The following FAAH2 variants were observed in gnomAD, a reference collection of about 807,000 sequenced individuals.
The protein encoded by FAAH2 is fatty acid amide hydrolase 2, also known as fatty-acid amide hydrolase 2.
A neutral mutation model predicts 36.9 loss-of-function variants in FAAH2; 60 were observed. The ratio of observed to expected loss-of-function variants is 1.63; its 90% CI spans 1.32 to 2.02. The LOEUF is 2.02. Among genes scored for constraint, FAAH2 ranks in the 30% most tolerant of loss-of-function variants. The probability of loss-of-function intolerance (pLI) is 0.00; values close to 1 mark genes in which losing one functional copy is unlikely to be tolerated. For synonymous variants in FAAH2, 214 were observed against 143.8 expected (o/e 1.49, Z -3.49); for missense variants, 689 against 397.5 (o/e 1.73, Z -6.23).
the FAAH2 span, among the ~76,000 whole-genome samples, chrX:57,251,140 G>T: frequency 8.1e-5 from 9 of 111,595 alleles, no homozygotes; most frequent in Non-Finnish European, 1.5e-4. Flanking sequence ...CATATTAAAA[G>T]GATCATACAA....
intron 8 of FAAH2, among the ~76,000 whole-genome samples, chrX:57,439,251 T>C (rs1273724953): frequency 1.8e-5 from 2 of 109,668 alleles, no homozygotes; most frequent in Admixed American, 9.8e-5. Flanking sequence ...CTCCACATCC[T>C]CTCCAGCACC....
At chrX:57,259,105 T>C in the FAAH2 span, among the ~76,000 whole-genome samples, 1 of 111,164 alleles carries the variant, frequency 9.0e-6, no homozygotes, top group Non-Finnish European at 1.9e-5. Flanking sequence ...AGATAAGCAT[T>C]GGTGAAAATG....
intron 2 of FAAH2, among the ~76,000 whole-genome samples, chrX:57,303,107 C>T (rs1021280967): frequency 9.0e-6 from 1 of 111,549 alleles, no homozygotes; most frequent in African/African-American, 3.3e-5. Flanking sequence ...ATACTTAAGG[C>T]ACTACCTTTT....
the FAAH2 span, among the ~76,000 whole-genome samples, chrX:57,150,428 A>G: frequency 8.9e-6 from 1 of 112,114 alleles, no homozygotes; most frequent in Non-Finnish European, 1.9e-5. Flanking sequence ...GACTTGCTTT[A>G]TGAATCTGGG....
Position 57,310,600 on chromosome X carries a change from G to A in FAAH2, c.283G>A (p.Glu95Lys), listed in dbSNP as rs138969418. ...INGIVKYRFE[E>K]AMKEAHAVDQ... ...TGTTTTATTTCTTCTTAGGTTTGAG[G>A]AAGCGATGAAGGAGGCTCATGCTGT... Residue 95 changes from glutamate (E) to lysine (K), a missense_variant, in exon 3 of 11, where the codon GAA becomes AAA. Physicochemically the swap from Glu to Lys is moderately conservative, Grantham distance 56 (BLOSUM62 1). Transcript: ENST00000374900. 240 of 1,199,607 alleles carry A rather than the reference G, an allele frequency of 2.0e-4. No individual in the cohort carries two copies. The African/African-American group carries it at 3.8e-3, about 19-fold the overall frequency.
chrX:57,165,182 A>G, the FAAH2 span, among the ~76,000 whole-genome samples: 3 of 112,131 alleles, frequency 2.7e-5, no homozygotes, highest in African/African-American at 9.7e-5. Flanking sequence ...CAGCCATCCC[A>G]TTACTGGGTA....
At chrX:57,246,456 A>T in the FAAH2 span, among the ~76,000 whole-genome samples, 1 of 112,074 alleles carries the variant, frequency 8.9e-6, no homozygotes, top group East Asian at 2.8e-4. Flanking sequence ...CCTGAGGAAT[A>T]TGTGAAAATT....
At chrX:57,174,148 C>T in the FAAH2 span, among the ~76,000 whole-genome samples, 2 of 110,234 alleles carry the variant, frequency 1.8e-5, no homozygotes, top group Non-Finnish European at 3.8e-5. Flanking sequence ...GAATTGATAC[C>T]AACTATTCTT....
At chrX:57,395,270 A>T (rs974730702) in intron 7 of FAAH2, 3 of 652,417 alleles carry the variant, frequency 4.6e-6, no homozygotes, top group Non-Finnish European at 7.5e-6. Context: ...GATTGGAATC[A>T]TCTCTGTTGC....
chrX:57,471,354 C>G lies in FAAH2; in HGVS notation c.1424-17403C>G, dbSNP rs759189230. Among the ~76,000 whole-genome samples the G allele has an allele frequency of 8.2e-4, 92 of 112,145 alleles. 1 individual carries two copies. The Admixed American group carries it at 8.6e-3, about 11-fold the overall frequency. ...TTGTAAATCTAGAAATCCCCATTGT[C>G]TCAACCCAAAATCTCCTTAAGCTGA... On this transcript the variant is annotated intron_variant, in intron 10 of 10. Transcript: ENST00000374900.
chrX:57,435,400 T>G (rs1279774142), intron 8 of FAAH2, among the ~76,000 whole-genome samples: 1 of 111,010 alleles, frequency 9.0e-6, no homozygotes, highest in African/African-American at 3.3e-5. Context: ...GAGAGATAGA[T>G]TGGCAGAAAA....
chrX:57,215,906 C>CATATATATATATATATATATAT, the FAAH2 span, among the ~76,000 whole-genome samples: 2 of 89,544 alleles, frequency 2.2e-5, no homozygotes, highest in African/African-American at 4.0e-5. Flanking sequence ...CCATGGCACT[C>CATATATATATATATATATATAT]ATATATATAT....
the FAAH2 span, among the ~76,000 whole-genome samples, chrX:57,261,307 C>T: frequency 4.7e-4 from 52 of 110,559 alleles, no homozygotes; most frequent in African/African-American, 1.6e-3. Context: ...AATCCCAGCT[C>T]TTTGTTAGGG....
At chrX:57,325,421 C>T (rs1457681334) in intron 3 of FAAH2, among the ~76,000 whole-genome samples, 1 of 111,560 alleles carries the variant, frequency 9.0e-6, no homozygotes, top group Non-Finnish European at 1.9e-5. Flanking sequence ...GTGGTACCAG[C>T]TCCTTCTTGT....
intron 5 of FAAH2, among the ~76,000 whole-genome samples, chrX:57,352,340 A>G (rs996932444): frequency 9.4e-6 from 1 of 106,907 alleles, no homozygotes; most frequent in Non-Finnish European, 1.9e-5. Flanking sequence ...GATATATCAC[A>G]TCAACAGAAT....
intron 3 of FAAH2, among the ~76,000 whole-genome samples, chrX:57,329,061 T>C (rs897911418): frequency 2.7e-5 from 3 of 112,060 alleles, no homozygotes; most frequent in Non-Finnish European, 3.8e-5. Flanking sequence ...CTTATTTTTA[T>C]GTGCCAGTTG....
At chrX:57,252,213 A>G in the FAAH2 span, among the ~76,000 whole-genome samples, 1 of 112,592 alleles carries the variant, frequency 8.9e-6, no homozygotes, top group African/African-American at 3.2e-5. Context: ...TTCTATGCTC[A>G]CAGTGTAAGC....
intron 8 of FAAH2, among the ~76,000 whole-genome samples, chrX:57,435,735 T>C (rs917400092): frequency 9.0e-6 from 1 of 110,875 alleles, no homozygotes; most frequent in African/African-American, 3.3e-5. Flanking sequence ...TGGAAAATAA[T>C]ACAATAATAG....
rs374365616 is a variant in FAAH2 at position 57,292,546 on chromosome X, G to A, written c.241G>A (p.Val81Met). The A allele has an allele frequency of 8.3e-6, 10 of 1,208,361 alleles. No homozygotes were observed. The highest frequency in any genetic ancestry group is 7.0e-5 in the African/African-American group (4 of 57,151). ...VQAYINRIKD[V>M]NPMINGIVKY... The stretch of plus-strand genomic sequence containing the variant: ...GGCTTATATCAACAGAATCAAGGAC[G>A]TGAACCCAATGATCAATGGAATTGT... Residue 81 changes from valine (V) to methionine (M), a missense_variant, in exon 2 of 11, where the codon GTG (valine) becomes ATG (methionine). Coordinates refer to ENST00000374900, the MANE Select transcript of FAAH2 (RefSeq NM_174912.4).
Sources: allele counts gnomAD v4.1 joint callset (sites outside exome capture counted in the v4.1 genomes callset), GRCh38; gene constraint gnomAD v4.1.1; transcripts MANE v1.5; gene names NCBI Gene and HGNC (gene_info 2026-07-23, HGNC 2026-07-21).